PIWIL3: variants seen among roughly 807,000 people sequenced by gnomAD.
The protein encoded by PIWIL3 is piwi-like protein 3.
A neutral mutation model predicts 109.7 loss-of-function variants in PIWIL3; 101 were observed. That is an observed-to-expected ratio of 0.92 (90% CI 0.78 to 1.09). The LOEUF (loss-of-function observed/expected upper bound fraction) is 1.09, where lower values mean the gene tolerates loss of function less well. Ranked by LOEUF, PIWIL3 falls within the 50% of genes least tolerant of loss-of-function variation. The probability of loss-of-function intolerance (pLI) is 0.00; values close to 1 mark genes in which losing one functional copy is unlikely to be tolerated. For synonymous variants in PIWIL3, 373 were observed against 376.4 expected, an observed-to-expected ratio of 0.99 and a Z score of 0.10; for missense variants, 1,031 against 1,072.6, an observed-to-expected ratio of 0.96 and a Z score of 0.54.
intron 1 of PIWIL3, among the ~76,000 whole-genome samples, chr22:24,771,499 G>T (rs879643755): frequency 6.7e-6 from 1 of 148,796 alleles, no homozygotes; most frequent in Non-Finnish European, 1.5e-5. Flanking sequence ...AAAAAAGAAA[G>T]TTACTTTCCT....
intron 12 of PIWIL3, among the ~76,000 whole-genome samples, chr22:24,744,847 A>G (rs185970664): frequency 1.3e-3 from 191 of 152,316 alleles, no homozygotes; most frequent in Non-Finnish European, 2.2e-3. Flanking sequence ...TCAGACAAAA[A>G]AGGGAAATGT....
At chr22:24,772,932 C>G (rs767575779) in intron 1 of PIWIL3, among the ~76,000 whole-genome samples, 2 of 152,174 alleles carry the variant, frequency 1.3e-5, no homozygotes, top group African/African-American at 4.8e-5. Context: ...TAGCTGAGGG[C>G]GTCCTTCTCC....
rs1284198404 is a variant in PIWIL3, at chr22:24,720,004, C to A, written c.2358-109G>T. The A allele has an allele frequency of 3.2e-6, 3 of 925,298 alleles. No individual in the cohort carries two copies. The South Asian group carries it at 8.1e-5, about 25-fold the overall frequency. 57.3% of individuals were successfully genotyped at this position (925,298 alleles called of 1,614,324 possible). On this transcript the variant is annotated intron_variant, in intron 19 of 20. Transcript: ENST00000616349. ...GTATAATTGCTTACAAAAATCTATT[C>A]TATAGATTAAGTTTCCTTTACATTT... is the stretch of plus-strand genomic sequence containing the variant.
intron 4 of PIWIL3, among the ~76,000 whole-genome samples, chr22:24,757,485 T>C (rs1169455997): frequency 6.6e-6 from 1 of 151,862 alleles, no homozygotes; most frequent in Non-Finnish European, 1.5e-5. Flanking sequence ...ATTAAAGTTT[T>C]TATCGAAAGT....
At chr22:24,726,097 C>T (rs1232292442) in intron 16 of PIWIL3, among the ~76,000 whole-genome samples, 2 of 152,162 alleles carry the variant, frequency 1.3e-5, no homozygotes, top group Non-Finnish European at 2.9e-5. Context: ...CCAGGCGTCT[C>T]GGCTCCACAT....
chr22:24,744,928 T>C (rs1259663460), intron 12 of PIWIL3, among the ~76,000 whole-genome samples: 1 of 152,224 alleles, frequency 6.6e-6, no homozygotes, highest in Non-Finnish European at 1.5e-5. Flanking sequence ...AGCTGCACGA[T>C]GAACATTCTT....
At chr22:24,760,158 T>C (rs1357397780) in intron 2 of PIWIL3, among the ~76,000 whole-genome samples, 169 bp from the exon 3 acceptor site, 1 of 152,078 alleles carries the variant, frequency 6.6e-6, no homozygotes, top group African/African-American at 2.4e-5. Flanking sequence ...TGTGTGGTAA[T>C]TGCTAAGGAA....
At chr22:24,752,706 C>T (rs1463680664) in intron 8 of PIWIL3, among the ~76,000 whole-genome samples, 1 of 152,142 alleles carries the variant, frequency 6.6e-6, no homozygotes, top group Non-Finnish European at 1.5e-5. Context: ...AACGAGGCCA[C>T]TTCAGTAATG....
chr22:24,723,339 T>C (rs1184789989), intron 18 of PIWIL3, 84 bp from the exon 19 acceptor site: 1 of 1,376,930 alleles, frequency 7.3e-7, no homozygotes, highest in Non-Finnish European at 1.0e-6. Flanking sequence ...CTGCTTTACA[T>C]TTAGGACCCA....
chr22:24,748,087 A>G (rs6004257), intron 12 of PIWIL3, among the ~76,000 whole-genome samples: 8,739 of 146,308 alleles, frequency 0.06, 323 homozygotes, highest in Middle Eastern at 0.13. Flanking sequence ...ACAATGGAGT[A>G]CTATTCAGCC....
intron 3 of PIWIL3, among the ~76,000 whole-genome samples, chr22:24,759,225 T>A (rs1925270574): frequency 6.6e-6 from 1 of 152,250 alleles, no homozygotes; most frequent in South Asian, 2.1e-4. Flanking sequence ...ACCCTTCAGA[T>A]AGGATCTGAT....
At chr22:24,723,378 A>G in intron 18 of PIWIL3, 123 bp from the exon 19 acceptor site, 1 of 998,814 alleles carries the variant, frequency 1.0e-6, no homozygotes, top group South Asian at 1.6e-5. Flanking sequence ...AGCCCTCCTT[A>G]CACCCTAATT....
chr22:24,735,328 A>G (rs957726275), intron 13 of PIWIL3, among the ~76,000 whole-genome samples: 1 of 152,058 alleles, frequency 6.6e-6, no homozygotes, highest in Non-Finnish European at 1.5e-5. Flanking sequence ...CTGGTAGGGG[A>G]TGTTGATGGG....
intron 14 of PIWIL3, among the ~76,000 whole-genome samples, chr22:24,733,462 A>C (rs1041767161): frequency 1.3e-5 from 2 of 152,130 alleles, no homozygotes; most frequent in African/African-American, 4.8e-5. Flanking sequence ...AGGCCGAGGT[A>C]GGCAGATCAC....
At chr22:24,753,642 G>T (rs1367264260) in intron 8 of PIWIL3, among the ~76,000 whole-genome samples, 1 of 152,174 alleles carries the variant, frequency 6.6e-6, no homozygotes, top group Non-Finnish European at 1.5e-5. Context: ...TAAGGTTTCT[G>T]CTGTAGAAAG....
rs530511922 is a variant in PIWIL3, at chr22:24,757,989, C to T, written c.274G>A (p.Glu92Lys). The T allele has an allele frequency of 1.9e-6, 3 of 1,614,070 alleles. No homozygotes were observed. The highest frequency in any genetic ancestry group is 3.3e-5 in the Admixed American group (2 of 60,008). ...EAGLHTAPLQ[E>K]RRIGGVFQDL... The stretch of plus-strand genomic sequence containing the variant: ...TGAAAAACTCCACCAATCCTTCTCT[C>T]CTGCAAGGGCGCTGTATGCAACCCA... Residue 92 changes from glutamate (E) to lysine (K), a missense_variant, in exon 4 of 21, where the codon GAG becomes AAG. By Grantham distance (56) the Glu-to-Lys change is moderately conservative. Coordinates refer to ENST00000616349, the MANE Select transcript of PIWIL3 (RefSeq NM_001255975.1).
At chr22:24,749,909 A>C in intron 9 of PIWIL3, 90 bp from the exon 10 acceptor site, 1 of 1,578,970 alleles carries the variant, frequency 6.3e-7, no homozygotes, top group Non-Finnish European at 8.7e-7. Context: ...GTGGGACTAC[A>C]AATGAAGGGC....
rs146517292 is a variant in PIWIL3 at position 24,756,691 on chromosome 22, C to T, written c.370G>A (p.Val124Met). 560 of 1,613,254 alleles carry T rather than the reference C, an allele frequency of 3.5e-4. 1 individual carries two copies. The highest frequency in any genetic ancestry group is 5.0e-4 in the Admixed American group (30 of 59,910). ...KDSKTGSEGTVVQLLANHFRV... is the reference protein window; with the variant it reads ...KDSKTGSEGTMVQLLANHFRV... Reference sequence around the variant, plus strand: ...AAGTGGTTGGCGAGTAGCTGTACCACTGTACCCTCTGAACCTGAAAAATGG... The same window carrying T: ...AAGTGGTTGGCGAGTAGCTGTACCATTGTACCCTCTGAACCTGAAAAATGG... Residue 124 changes from valine (V) to methionine (M), a missense_variant, in exon 5 of 21, where the codon GTG (valine) becomes ATG (methionine). By Grantham distance (21) the Val-to-Met change is conservative. Coordinates refer to ENST00000616349, the MANE Select transcript of PIWIL3 (RefSeq NM_001255975.1).
intron 9 of PIWIL3, among the ~76,000 whole-genome samples, chr22:24,750,126 CCA>C (rs1349499192): frequency 6.6e-6 from 1 of 152,158 alleles, no homozygotes; most frequent in Non-Finnish European, 1.5e-5. Context: ...GAGGTTCTCA[CCA>C]CAGTCTTGCC....
Sources: gnomAD v4.1 joint callset for allele counts (sites outside exome capture counted in the v4.1 genomes callset) on GRCh38, gnomAD v4.1.1 for gene constraint, MANE v1.5 for transcripts, NCBI Gene and HGNC (gene_info 2026-07-23, HGNC 2026-07-21) for gene names.